The following PTPRD variants were observed in gnomAD, a reference collection of about 807,000 sequenced individuals.
PTPRD encodes receptor-type tyrosine-protein phosphatase delta.
A neutral mutation model predicts 214.5 loss-of-function variants in PTPRD; 34 were observed. The observed-to-expected ratio is 0.16, with a 90% confidence interval of 0.12 to 0.21. PTPRD has a LOEUF of 0.21. Among genes scored for constraint, PTPRD ranks in the 10% least tolerant of loss-of-function variants. The probability of loss-of-function intolerance (pLI) is 1.00; values close to 1 mark genes in which losing one functional copy is unlikely to be tolerated. For missense variants in PTPRD, 2,545 were observed against 2,398.7 expected (o/e 1.06, Z -1.27); for synonymous variants, 1,128 against 845.7 (o/e 1.33, Z -5.79).
chr9:10,170,864 T>C (rs914552353), intron 3 of PTPRD, among the ~76,000 whole-genome samples: 1 of 152,098 alleles, frequency 6.6e-6, no homozygotes, highest in Non-Finnish European at 1.5e-5. Context: ...GGGTAAACAT[T>C]CATAACAACA....
At chr9:9,110,181 C>T in intron 10 of PTPRD, among the ~76,000 whole-genome samples, 1 of 152,112 alleles carries the variant, frequency 6.6e-6, no homozygotes, top group East Asian at 1.9e-4. Context: ...GCTACTATGG[C>T]ATTCTCAAGA....
chr9:9,712,361 T>C (rs2097753652), intron 7 of PTPRD, among the ~76,000 whole-genome samples: 2 of 151,936 alleles, frequency 1.3e-5, no homozygotes, highest in Admixed American at 1.3e-4. Context: ...GGCTGACAAA[T>C]CTGAATAGGA....
intron 4 of PTPRD, among the ~76,000 whole-genome samples, chr9:9,968,363 A>T (rs1426042070): frequency 6.6e-6 from 1 of 152,242 alleles, no homozygotes; most frequent in Non-Finnish European, 1.5e-5. Flanking sequence ...TTATTAAGAA[A>T]CATATTTTAA....
chr9:8,925,962 C>T (rs2098886955), intron 11 of PTPRD, among the ~76,000 whole-genome samples: 1 of 146,686 alleles, frequency 6.8e-6, no homozygotes, highest in Admixed American at 7.1e-5. Context: ...GTTTACAATC[C>T]TTCATCAATT....
intron 11 of PTPRD, among the ~76,000 whole-genome samples, chr9:8,885,985 A>G (rs950947765): frequency 1.3e-5 from 2 of 152,188 alleles, no homozygotes; most frequent in East Asian, 1.9e-4. Flanking sequence ...GATGAATTGC[A>G]TCCTTCAACA....
At chr9:8,832,131 TGTG>T (rs1468803087) in intron 11 of PTPRD, among the ~76,000 whole-genome samples, 1 of 149,678 alleles carries the variant, frequency 6.7e-6, no homozygotes. Flanking sequence ...TGTGTGTGTG[TGTG>T]TATGATCTAT....
At chr9:9,828,714 A>ATT (rs549308486) in intron 5 of PTPRD, among the ~76,000 whole-genome samples, 11 of 144,880 alleles carry the variant, frequency 7.6e-5, no homozygotes, top group African/African-American at 2.5e-4. Context: ...CCTAAGCAGG[A>ATT]TTTTTTTTTT....
At chr9:9,072,543 C>A (rs1050141896) in intron 10 of PTPRD, among the ~76,000 whole-genome samples, 1 of 152,142 alleles carries the variant, frequency 6.6e-6, no homozygotes, top group East Asian at 1.9e-4. Flanking sequence ...AATGTACAAG[C>A]TGTCTTTTTA....
chr9:10,230,706 C>T (rs765817085), intron 3 of PTPRD, among the ~76,000 whole-genome samples: 3 of 151,918 alleles, frequency 2.0e-5, no homozygotes, highest in Non-Finnish European at 4.4e-5. Context: ...TTCATCTTTG[C>T]TTTTGCTTTT....
intron 11 of PTPRD, among the ~76,000 whole-genome samples, chr9:8,812,773 A>C (rs972120080): frequency 5.3e-5 from 8 of 151,826 alleles, no homozygotes; most frequent in African/African-American, 1.9e-4. Context: ...TTTTTTTTTA[A>C]AGACAGTAAT....
intron 3 of PTPRD, among the ~76,000 whole-genome samples, chr9:10,336,273 G>C (rs72698940): frequency 0.11 from 17,188 of 151,550 alleles, 1,226 homozygotes; most frequent in Non-Finnish European, 0.15. Flanking sequence ...ATAAGTGAAA[G>C]ACTTACCTGA....
intron 37 of PTPRD, among the ~76,000 whole-genome samples, chr9:8,380,005 C>T (rs2084484485): frequency 6.6e-6 from 1 of 152,190 alleles, no homozygotes; most frequent in African/African-American, 2.4e-5. Context: ...AAACACTTAA[C>T]CCAAATGGCT....
At chr9:9,604,490 T>G (rs1299209036) in intron 7 of PTPRD, among the ~76,000 whole-genome samples, 2 of 152,088 alleles carry the variant, frequency 1.3e-5, no homozygotes, top group African/African-American at 4.8e-5. Context: ...GTATGCTTTC[T>G]GTTAAATAAA....
intron 12 of PTPRD, among the ~76,000 whole-genome samples, chr9:8,646,509 C>T (rs1247043553): frequency 1.3e-5 from 2 of 152,126 alleles, no homozygotes; most frequent in Admixed American, 6.6e-5. Flanking sequence ...TCTCTCATCT[C>T]GATGCCTCAG....
chr9:9,486,543 C>G (rs1403838819), intron 8 of PTPRD, among the ~76,000 whole-genome samples: 1 of 151,882 alleles, frequency 6.6e-6, no homozygotes, highest in East Asian at 1.9e-4. Flanking sequence ...TCGCTGCCTT[C>G]TTAGTTTTTC....
chr9:8,351,112 T>C (rs1332538466), intron 39 of PTPRD, among the ~76,000 whole-genome samples: 1 of 152,186 alleles, frequency 6.6e-6, no homozygotes, highest in Non-Finnish European at 1.5e-5. Flanking sequence ...ATCAATACCA[T>C]GGATGTGATG....
intron 2 of PTPRD, among the ~76,000 whole-genome samples, chr9:10,493,235 T>C (rs925246966): frequency 6.6e-6 from 1 of 152,030 alleles, no homozygotes; most frequent in Admixed American, 6.6e-5. Context: ...CTTCACAGAA[T>C]TAGAAAAAAC....
chr9:10,111,299 C>T (rs1166877713), intron 3 of PTPRD, among the ~76,000 whole-genome samples: 1 of 113,164 alleles, frequency 8.8e-6, no homozygotes. Flanking sequence ...AGTGCAGTGG[C>T]GGGATCTCGG....
chr9:10,050,311 G>C (rs1035377460), intron 3 of PTPRD, among the ~76,000 whole-genome samples: 1 of 151,714 alleles, frequency 6.6e-6, no homozygotes, highest in African/African-American at 2.4e-5. Context: ...TGTAATCCTA[G>C]CACTTTGGGA....
Sources: gnomAD v4.1 joint callset for allele counts (sites outside exome capture counted in the v4.1 genomes callset) on GRCh38, gnomAD v4.1.1 for gene constraint, MANE v1.5 for transcripts, NCBI Gene and HGNC (gene_info 2026-07-23, HGNC 2026-07-21) for gene names.